Variants in ADAM22 observed in about 807,000 individuals in gnomAD.
ADAM22 encodes ADAM metallopeptidase domain 22.
ADAM22 carries 65 observed loss-of-function variants against 144.6 expected under a neutral mutation model. The observed-to-expected ratio is 0.45, with a 90% confidence interval of 0.37 to 0.55. The LOEUF (loss-of-function observed/expected upper bound fraction) is 0.55. Among genes scored for constraint, ADAM22 ranks in the 20% least tolerant of loss-of-function variants. The pLI, the probability that ADAM22 is intolerant of heterozygous loss-of-function variation, is 0.00. For synonymous variants in ADAM22, 391 were observed against 412.6 expected, an observed-to-expected ratio of 0.95 and a Z score of 0.63; for missense variants, 974 against 1,184.9, an observed-to-expected ratio of 0.82 and a Z score of 2.61.
intron 5 of ADAM22, among the ~76,000 whole-genome samples, chr7:88,109,709 C>G (rs527675979): frequency 6.3e-5 from 9 of 141,828 alleles, no homozygotes; most frequent in African/African-American, 2.4e-4. Flanking sequence ...GGTATATTTG[C>G]TTTTTTTTTG....
chr7:88,169,194 A>G (rs945001624), intron 25 of ADAM22, among the ~76,000 whole-genome samples: 4 of 152,112 alleles, frequency 2.6e-5, no homozygotes, highest in Non-Finnish European at 5.9e-5. Context: ...AAGGGAGAGC[A>G]GTTAGTTTAC....
intron 3 of ADAM22, among the ~76,000 whole-genome samples, chr7:88,069,809 C>T (rs1812268214): frequency 6.6e-6 from 1 of 152,086 alleles, no homozygotes; most frequent in Non-Finnish European, 1.5e-5. Context: ...AGTAGATACT[C>T]CTGTTCAAAA....
intron 2 of ADAM22, among the ~76,000 whole-genome samples, chr7:87,970,705 C>G (rs1850228014): frequency 6.6e-6 from 1 of 152,100 alleles, no homozygotes; most frequent in South Asian, 2.1e-4. Context: ...CAGGCTGCCA[C>G]AAAGCAAAAT....
intron 3 of ADAM22, among the ~76,000 whole-genome samples, chr7:88,025,587 A>G (rs1456713555): frequency 3.3e-5 from 5 of 152,078 alleles, no homozygotes; most frequent in Non-Finnish European, 7.4e-5. Flanking sequence ...CTCTATATGG[A>G]TATCCAGTTT....
At chr7:87,956,188 A>G (rs1846683191) in intron 2 of ADAM22, among the ~76,000 whole-genome samples, 1 of 152,180 alleles carries the variant, frequency 6.6e-6, no homozygotes, top group South Asian at 2.1e-4. Flanking sequence ...GGTACCTCAG[A>G]TGGAAATGCA....
chr7:88,078,241 G>C (rs995819337), intron 4 of ADAM22, among the ~76,000 whole-genome samples: 4 of 152,140 alleles, frequency 2.6e-5, no homozygotes, highest in African/African-American at 9.7e-5. Flanking sequence ...AGGCAAACAG[G>C]GTCTGGAGTG....
chr7:87,955,780 C>G (rs1371189812), intron 2 of ADAM22, among the ~76,000 whole-genome samples: 1 of 152,182 alleles, frequency 6.6e-6, no homozygotes, highest in Non-Finnish European at 1.5e-5. Context: ...TGGGGTCCAC[C>G]CAGTTCGAGC....
At chr7:88,028,039 C>A (rs1799424752) in intron 3 of ADAM22, among the ~76,000 whole-genome samples, 1 of 152,198 alleles carries the variant, frequency 6.6e-6, no homozygotes, top group Non-Finnish European at 1.5e-5. Context: ...CCTGCCACAG[C>A]TTCCCAAAGT....
At chr7:87,936,566 T>C (rs1841298118) in intron 2 of ADAM22, among the ~76,000 whole-genome samples, 1 of 152,294 alleles carries the variant, frequency 6.6e-6, no homozygotes, top group Middle Eastern at 3.4e-3. Flanking sequence ...TAGCAACTCA[T>C]GGCCAATCTT....
At chr7:87,970,726 C>A (rs1257901820) in intron 2 of ADAM22, among the ~76,000 whole-genome samples, 2 of 152,134 alleles carry the variant, frequency 1.3e-5, no homozygotes, top group Non-Finnish European at 2.9e-5. Flanking sequence ...GCATGAGAAA[C>A]GAGTGTTATA....
At chr7:88,092,280 TC>T (rs895840750) in intron 4 of ADAM22, among the ~76,000 whole-genome samples, 1 of 151,762 alleles carries the variant, frequency 6.6e-6, no homozygotes, top group East Asian at 1.9e-4. Context: ...AAAATACCCA[TC>T]CCCCCTACCT....
At chr7:88,080,402 G>A (rs904655576) in intron 4 of ADAM22, among the ~76,000 whole-genome samples, 1 of 152,050 alleles carries the variant, frequency 6.6e-6, no homozygotes, top group Non-Finnish European at 1.5e-5. Flanking sequence ...CAGGAAAGGT[G>A]TAAAATTGAC....
intron 4 of ADAM22, among the ~76,000 whole-genome samples, chr7:88,086,305 T>C (rs1818447919): frequency 6.6e-6 from 1 of 152,244 alleles, no homozygotes; most frequent in Non-Finnish European, 1.5e-5. Context: ...TTGATGTTGA[T>C]TGCAATTTTG....
At chr7:87,970,008 G>C (rs543454492) in intron 2 of ADAM22, among the ~76,000 whole-genome samples, 1 of 152,270 alleles carries the variant, frequency 6.6e-6, no homozygotes, top group African/African-American at 2.4e-5. Context: ...CATATAGGTA[G>C]ACCTGTTGGG....
At chr7:88,065,802 CA>C (rs1298671073) in intron 3 of ADAM22, among the ~76,000 whole-genome samples, 1 of 151,962 alleles carries the variant, frequency 6.6e-6, no homozygotes, top group Non-Finnish European at 1.5e-5. Context: ...TAAAATTATT[CA>C]AAATTATTCC....
At chr7:88,007,337 A>G (rs1391314855) in intron 3 of ADAM22, among the ~76,000 whole-genome samples, 1 of 152,218 alleles carries the variant, frequency 6.6e-6, no homozygotes, top group African/African-American at 2.4e-5. Context: ...GGTAATTTAT[A>G]GATTCAATGC....
chr7:88,170,360 C>T (rs1844015506), intron 25 of ADAM22, among the ~76,000 whole-genome samples: 1 of 151,256 alleles, frequency 6.6e-6, no homozygotes, highest in South Asian at 2.1e-4. Context: ...AATTTAAAAC[C>T]CCATTTAGAA....
chr7:88,035,294 A>G (rs1801256655), intron 3 of ADAM22, among the ~76,000 whole-genome samples: 2 of 152,252 alleles, frequency 1.3e-5, no homozygotes, highest in Non-Finnish European at 2.9e-5. Context: ...AATCCAAGAG[A>G]AAGGAGTTTG....
intron 11 of ADAM22, chr7:88,131,742 T>C: frequency 3.0e-6 from 1 of 337,380 alleles, no homozygotes; most frequent in Non-Finnish European, 5.3e-6. Context: ...AATTATATTC[T>C]TTAAAGTTAC....
Sources: allele counts gnomAD v4.1 joint callset (sites outside exome capture counted in the v4.1 genomes callset), GRCh38; gene constraint gnomAD v4.1.1; transcripts MANE v1.5; gene names NCBI Gene and HGNC (gene_info 2026-07-23, HGNC 2026-07-21).